Variants in MAPRE2 observed in about 807,000 individuals in gnomAD.
MAPRE2 encodes microtubule associated protein RP/EB family member 2.
MAPRE2 carries 13 observed loss-of-function variants against 43.2 expected under a neutral mutation model. That is an observed-to-expected ratio of 0.30 (90% CI 0.20 to 0.48). MAPRE2 has a LOEUF of 0.48. Ranked by LOEUF, MAPRE2 falls within the 20% of genes least tolerant of loss-of-function variation. The pLI is 0.99. For missense variants in MAPRE2, 161 were observed against 400.2 expected (o/e 0.40, Z 5.10); for synonymous variants, 135 against 148.8 (o/e 0.91, Z 0.68).
intron 1 of MAPRE2, among the ~76,000 whole-genome samples, chr18:35,055,195 G>A (rs1389183790): frequency 6.6e-6 from 1 of 152,206 alleles, no homozygotes; most frequent in Non-Finnish European, 1.5e-5. Context: ...TCACAGTTGT[G>A]ATGCCGGAGG....
chr18:34,984,512 A>G (rs1294223925), intron 1 of MAPRE2: 1 of 151,798 alleles, frequency 6.6e-6, no homozygotes, highest in Non-Finnish European at 1.5e-5. Context: ...AATTATTTCT[A>G]AAAGCAAAAA....
At chr18:35,123,640 T>G (rs1308662822) in intron 4 of MAPRE2, among the ~76,000 whole-genome samples, 1 of 152,222 alleles carries the variant, frequency 6.6e-6, no homozygotes, top group African/African-American at 2.4e-5. Context: ...GGAGGAGCTC[T>G]CTTTCTGGGA....
intron 5 of MAPRE2, among the ~76,000 whole-genome samples, chr18:35,129,736 C>G (rs1910063927): frequency 6.6e-6 from 1 of 152,168 alleles, no homozygotes; most frequent in African/African-American, 2.4e-5. Flanking sequence ...ACAGCAAGGC[C>G]TGCAGGAACC....
chr18:35,020,064 C>T (rs1204904505), intron 2 of MAPRE2, among the ~76,000 whole-genome samples: 1 of 152,078 alleles, frequency 6.6e-6, no homozygotes, highest in African/African-American at 2.4e-5. Context: ...ATTTTCAGCA[C>T]CCCTTACCTC....
At chr18:35,107,882 G>GTCCATTTTTCCCTTTAATTCTC (rs2144193946) in intron 4 of MAPRE2, among the ~76,000 whole-genome samples, 1 of 151,872 alleles carries the variant, frequency 6.6e-6, no homozygotes, top group South Asian at 2.1e-4. Flanking sequence ...TCATGGAATT[G>GTCCATTTTTCCCTTTAATTCTC]TCCATTTTTC....
intron 3 of MAPRE2, among the ~76,000 whole-genome samples, chr18:35,101,007 C>T (rs1475911617): frequency 1.3e-5 from 2 of 152,032 alleles, no homozygotes; most frequent in Non-Finnish European, 2.9e-5. Context: ...CCATTGCACT[C>T]CATCCTGGGC....
At chr18:35,044,831 T>C (rs899333904) in intron 1 of MAPRE2, among the ~76,000 whole-genome samples, 6 of 152,212 alleles carry the variant, frequency 3.9e-5, no homozygotes, top group East Asian at 3.9e-4. Context: ...ATTACTGTTA[T>C]AGCATTTGCA....
At position 35,132,200 on chromosome 18, in the gene MAPRE2, A is replaced by G. The variant is rs757598159; in HGVS notation, c.909+10A>G. On this transcript the variant is annotated intron_variant, in intron 6 of 6. Transcript: ENST00000300249. ...TGCTTCAGAAGAACACGTAAGTGTG[A>G]GGAGCATGTGACTCCTGTGTTCTAA... is the stretch of plus-strand genomic sequence containing the variant. 8.6e-5 allele frequency: 139 copies of G among 1,613,448 alleles called. No individual in the cohort carries two copies. Among genetic ancestry groups the G allele is most frequent in the Non-Finnish European group, 1.1e-4 (135 of 1,179,628 alleles).
chr18:34,977,719 G>A (rs1169011531), intron 1 of MAPRE2, among the ~76,000 whole-genome samples: 2 of 152,228 alleles, frequency 1.3e-5, no homozygotes, highest in Non-Finnish European at 2.9e-5. Context: ...AAGGAAGCGG[G>A]TTGTTATTCT....
At chr18:35,049,037 G>C (rs1192493283) in intron 1 of MAPRE2, among the ~76,000 whole-genome samples, 1 of 152,070 alleles carries the variant, frequency 6.6e-6, no homozygotes, top group Non-Finnish European at 1.5e-5. Context: ...TTTCATAGAA[G>C]TAATACTTGT....
chr18:35,068,866 A>G (rs376172592), intron 1 of MAPRE2, among the ~76,000 whole-genome samples: 4 of 152,282 alleles, frequency 2.6e-5, no homozygotes, highest in East Asian at 3.9e-4. Context: ...GTTTGATGCA[A>G]TTGTCATATA....
At chr18:35,112,980 GC>G (rs1257321325) in intron 4 of MAPRE2, among the ~76,000 whole-genome samples, 1 of 152,214 alleles carries the variant, frequency 6.6e-6, no homozygotes, top group Non-Finnish European at 1.5e-5. Flanking sequence ...GAAGAGGCAA[GC>G]CCCCTTAGGC....
rs1219738749 is a variant in MAPRE2, at chr18:34,985,333, TATATAATATATTATATTATATATATA to T, written c.-70+8266_-70+8291del. Among the ~76,000 whole-genome samples the T allele has an allele frequency of 5.3e-4, 22 of 41,300 alleles. 4 individuals carry two copies. In the East Asian group the frequency reaches 0.024, roughly 44 times the overall value. The allele number at this position is 41,300 out of a possible 152,430, so 27.1% of individuals were successfully genotyped here. On this transcript the variant is annotated intron_variant, in intron 1 of 7. Transcript: ENST00000413393. ...ATATTATATTATATATATAATATAA[TATATAATATATTATATTATATATATA>T]ATATAATATATAATATATTATTTTA...
intron 2 of MAPRE2, among the ~76,000 whole-genome samples, chr18:35,030,014 C>A (rs1233771331): frequency 1.3e-5 from 2 of 152,224 alleles, no homozygotes; most frequent in African/African-American, 4.8e-5. Context: ...ACATTGCTAG[C>A]TGACGCTTAC....
At chr18:35,132,275 TC>T in intron 6 of MAPRE2, 85 bp downstream of exon 6, 1 of 1,265,016 alleles carries the variant, frequency 7.9e-7, no homozygotes, top group Non-Finnish European at 1.1e-6. Context: ...TTAGAATACT[TC>T]CCCAGGACCT....
At chr18:35,131,449 C>T (rs746101527) in intron 5 of MAPRE2, among the ~76,000 whole-genome samples, 6 of 152,108 alleles carry the variant, frequency 3.9e-5, no homozygotes, top group Non-Finnish European at 7.3e-5. Flanking sequence ...AAGATCAAGG[C>T]GCCAGTAGAT....
At chr18:35,096,903 A>C (rs146596935) in intron 2 of MAPRE2, among the ~76,000 whole-genome samples, 50 of 152,280 alleles carry the variant, frequency 3.3e-4, no homozygotes, top group African/African-American at 1.1e-3. Flanking sequence ...GGGGTTCTGT[A>C]GTTTTCACCT....
At chr18:35,121,285 G>T (rs1052890634) in intron 4 of MAPRE2, among the ~76,000 whole-genome samples, 1 of 152,116 alleles carries the variant, frequency 6.6e-6, no homozygotes, top group African/African-American at 2.4e-5. Flanking sequence ...CTTCACTAAG[G>T]CAGTGAATCT....
At chr18:35,115,141 G>T (rs964191770) in intron 4 of MAPRE2, among the ~76,000 whole-genome samples, 3 of 152,126 alleles carry the variant, frequency 2.0e-5, no homozygotes, top group Non-Finnish European at 4.4e-5. Flanking sequence ...CTCAATCATT[G>T]TTCCCCCATT....
Sources: allele counts gnomAD v4.1 joint callset (sites outside exome capture counted in the v4.1 genomes callset), GRCh38; gene constraint gnomAD v4.1.1; transcripts MANE v1.5; gene names NCBI Gene and HGNC (gene_info 2026-07-23, HGNC 2026-07-21).